The following CNTLN variants were observed in gnomAD, a reference collection of about 807,000 sequenced individuals.
CNTLN encodes centlein, centrosomal protein.
In CNTLN, 212 loss-of-function variants were observed where a neutral mutation model predicts 180.0. That is an observed-to-expected ratio of 1.18 (90% CI 1.05 to 1.32). CNTLN has a LOEUF of 1.32. Ranked by LOEUF, CNTLN falls within the 40% of genes most tolerant of loss-of-function variation. CNTLN has a pLI of 0.00. For synonymous variants in CNTLN, 722 were observed against 563.1 expected (o/e 1.28, Z -3.99); for missense variants, 2,095 against 1,610.9 (o/e 1.30, Z -5.14).
intron 7 of CNTLN, chr9:17,301,303 C>A (rs1221414552): frequency 1.0e-6 from 1 of 985,310 alleles, no homozygotes. Flanking sequence ...ACCGTAAACA[C>A]TTTTCTTCTA....
intron 2 of CNTLN, among the ~76,000 whole-genome samples, chr9:17,224,710 C>G (rs1178758831): frequency 1.3e-5 from 2 of 151,990 alleles, no homozygotes; most frequent in Admixed American, 1.3e-4. Context: ...TTCTTTACAT[C>G]TACCTGATTG....
chr9:17,283,735 G>T (rs1828804999), intron 6 of CNTLN, among the ~76,000 whole-genome samples: 1 of 152,138 alleles, frequency 6.6e-6, no homozygotes, highest in Admixed American at 6.5e-5. Context: ...CTGTGGGTTT[G>T]TCATAAATGG....
At chr9:17,343,437 T>C (rs1379841498) in intron 12 of CNTLN, among the ~76,000 whole-genome samples, 1 of 152,160 alleles carries the variant, frequency 6.6e-6, no homozygotes, top group Non-Finnish European at 1.5e-5. Flanking sequence ...TACTACATGA[T>C]AACATGTATA....
At chr9:17,345,919 A>G (rs1821844942) in intron 12 of CNTLN, among the ~76,000 whole-genome samples, 1 of 152,188 alleles carries the variant, frequency 6.6e-6, no homozygotes, top group Non-Finnish European at 1.5e-5. Context: ...TTCAGTTTGA[A>G]GAACTTCCTT....
chr9:17,428,907 T>A (rs1041794991), intron 18 of CNTLN, among the ~76,000 whole-genome samples: 2 of 151,946 alleles, frequency 1.3e-5, no homozygotes, highest in African/African-American at 2.4e-5. Context: ...ACCTTTGTTA[T>A]TTACTTTTTA....
At chr9:17,370,833 G>C (rs1202143449) in intron 13 of CNTLN, among the ~76,000 whole-genome samples, 1 of 151,992 alleles carries the variant, frequency 6.6e-6, no homozygotes, top group African/African-American at 2.4e-5. Flanking sequence ...TTTTGTTTTT[G>C]CTTGTTTATG....
chr9:17,135,286 C>T lies in CNTLN; in HGVS notation c.221C>T (p.Pro74Leu), dbSNP rs770755354. Residue 74 changes from proline (P) to leucine (L), a missense_variant, in exon 1 of 26, where the codon CCG (proline) becomes CTG (leucine). Pro to Leu is a moderately conservative substitution (Grantham distance 98, BLOSUM62 -3). Transcript: ENST00000380647. ...GGRRGPGGAA[P>L]AHAPLLSAPM... is the part of the protein sequence containing the mutation. ...CGGCGAGGGCCTGGGGGGGCAGCTC[C>T]GGCTCATGCTCCCCTCCTCAGCGCG... The T allele has an allele frequency of 4.4e-6, 7 of 1,600,360 alleles. No homozygotes were observed. Among genetic ancestry groups the T allele is most frequent in the Admixed American group, 1.7e-5 (1 of 57,756 alleles).
chr9:17,297,644 C>T (rs1460987434), intron 6 of CNTLN, among the ~76,000 whole-genome samples: 4 of 152,310 alleles, frequency 2.6e-5, no homozygotes, highest in South Asian at 4.1e-4. Flanking sequence ...TCTTTTACCT[C>T]ATCAGTTCCT....
intron 25 of CNTLN, among the ~76,000 whole-genome samples, chr9:17,496,091 T>C (rs1295061443): frequency 2.0e-5 from 3 of 152,158 alleles, no homozygotes; most frequent in African/African-American, 4.8e-5. Context: ...AGTGCTTTCA[T>C]TGAGGAGGTA....
At chr9:17,405,624 G>A (rs1196010906) in intron 15 of CNTLN, among the ~76,000 whole-genome samples, 1 of 151,554 alleles carries the variant, frequency 6.6e-6, no homozygotes, top group East Asian at 1.9e-4. Context: ...GTTGCACTGA[G>A]GATTGTGTTT....
chr9:17,415,841 C>T lies in CNTLN; in HGVS notation c.2850C>T (p.Cys950=), dbSNP rs1828181399. Residue 950 remains cysteine, a synonymous_variant, in exon 17 of 26, where the codon TGC becomes TGT. Coordinates refer to ENST00000380647, the MANE Select transcript of CNTLN (RefSeq NM_017738.4). ...AACCAACTTTTCAAAAGAAGAATTGCAAGATGCAAAAGAGTTCACATACAG... is the reference window on the plus strand; with the variant it reads ...AACCAACTTTTCAAAAGAAGAATTGTAAGATGCAAAAGAGTTCACATACAG... ...AKKPTFQKKN[C]KMQKSSHTAV... is the part of the protein sequence containing the mutation. 4 of 1,612,440 alleles carry T rather than the reference C, an allele frequency of 2.5e-6. No individual in the cohort carries two copies. The highest frequency in any genetic ancestry group is 3.4e-6 in the Non-Finnish European group (4 of 1,179,192).
chr9:17,191,852 A>G (rs1040905647), intron 2 of CNTLN, among the ~76,000 whole-genome samples: 1 of 152,174 alleles, frequency 6.6e-6, no homozygotes, highest in South Asian at 2.1e-4. Context: ...TATTGTGAGG[A>G]TGTGTAAGGG....
At chr9:17,312,385 A>T (rs868688231) in intron 8 of CNTLN, among the ~76,000 whole-genome samples, 17 of 112,056 alleles carry the variant, frequency 1.5e-4, no homozygotes, top group African/African-American at 5.6e-4. Context: ...TATATATATA[A>T]TTTATTTATT....
chr9:17,301,798 C>G, intron 7 of CNTLN: 2 of 981,390 alleles, frequency 2.0e-6, no homozygotes, highest in Non-Finnish European at 2.4e-6. Flanking sequence ...TTTTAAAAAA[C>G]AAAGTCTTTT....
chr9:17,371,587 T>C (rs1442445928), intron 13 of CNTLN, among the ~76,000 whole-genome samples: 2 of 152,078 alleles, frequency 1.3e-5, no homozygotes, highest in African/African-American at 4.8e-5. Flanking sequence ...CAAAGAAACA[T>C]TGGAATTAAT....
intron 13 of CNTLN, among the ~76,000 whole-genome samples, chr9:17,372,211 G>C (rs12379102): frequency 0.59 from 89,399 of 151,888 alleles, 26,624 homozygotes; most frequent in East Asian, 0.73. Context: ...ATTTACAAAC[G>C]TTTAACCAGA....
intron 6 of CNTLN, among the ~76,000 whole-genome samples, chr9:17,297,119 A>C (rs1248083823): frequency 6.6e-6 from 1 of 152,218 alleles, no homozygotes; most frequent in Non-Finnish European, 1.5e-5. Flanking sequence ...AAGAAAAATG[A>C]GTGGTTGCAT....
chr9:17,437,417 G>T (rs1829841720), intron 18 of CNTLN, among the ~76,000 whole-genome samples: 1 of 152,090 alleles, frequency 6.6e-6, no homozygotes. Flanking sequence ...TTTCTTTTCT[G>T]TTTAAAATAA....
At chr9:17,511,522 C>A in the CNTLN span, among the ~76,000 whole-genome samples, 1 of 152,130 alleles carries the variant, frequency 6.6e-6, no homozygotes, top group South Asian at 2.1e-4. Context: ...TTCAGTTCCA[C>A]ACAGTTCAGT....
Sources: gnomAD v4.1 joint callset for allele counts (sites outside exome capture counted in the v4.1 genomes callset) on GRCh38, gnomAD v4.1.1 for gene constraint, MANE v1.5 for transcripts, NCBI Gene and HGNC (gene_info 2026-07-23, HGNC 2026-07-21) for gene names.